SORD: variants seen among roughly 807,000 people sequenced by gnomAD.
The protein encoded by SORD is sorbitol dehydrogenase, also known as (R,R)-butanediol dehydrogenase.
In SORD, 18 loss-of-function variants were observed where a neutral mutation model predicts 35.6. That is an observed-to-expected ratio of 0.51 (90% confidence interval 0.35 to 0.75). The LOEUF (loss-of-function observed/expected upper bound fraction) is 0.75, where lower values mean the gene tolerates loss of function less well. Ranked by LOEUF, SORD falls within the 30% of genes least tolerant of loss-of-function variation. The pLI, the probability that SORD is intolerant of heterozygous loss-of-function variation, is 0.01. For synonymous variants in SORD, 106 were observed against 152.9 expected, an observed-to-expected ratio of 0.69 and a Z score of 2.26; for missense variants, 250 against 390.2, an observed-to-expected ratio of 0.64 and a Z score of 3.03.
intron 1 of SORD, among the ~76,000 whole-genome samples, chr15:45,025,425 G>A (rs1892653586): frequency 6.6e-6 from 1 of 152,056 alleles, no homozygotes; most frequent in Non-Finnish European, 1.5e-5. Flanking sequence ...ATCGCTTGAG[G>A]TCTGGAGTTT....
At chr15:45,026,831 C>A (rs1411293041) in intron 1 of SORD, among the ~76,000 whole-genome samples, 2 of 152,220 alleles carry the variant, frequency 1.3e-5, no homozygotes, top group Non-Finnish European at 2.9e-5. Context: ...AGGCCAGGAA[C>A]CAGCCAGCGT....
intron 3 of SORD, among the ~76,000 whole-genome samples, chr15:45,044,386 T>C (rs1220412742): frequency 6.6e-6 from 1 of 151,636 alleles, no homozygotes; most frequent in Non-Finnish European, 1.5e-5. Flanking sequence ...CTGAGGGATA[T>C]AGAAAAATGA....
chr15:45,051,056 T>C (rs1039233293), intron 3 of SORD, among the ~76,000 whole-genome samples: 3 of 152,344 alleles, frequency 2.0e-5, no homozygotes, highest in Admixed American at 6.5e-5. Context: ...GAAACCTGCA[T>C]TTGAGAGCAC....
chr15:45,037,491 T>C (rs1232409145), intron 1 of SORD, among the ~76,000 whole-genome samples: 1 of 152,152 alleles, frequency 6.6e-6, no homozygotes, highest in Non-Finnish European at 1.5e-5. Context: ...TGTCTTTCAG[T>C]GTCTGTGAAT....
At chr15:45,063,382 C>T (rs2141123119) in intron 4 of SORD, among the ~76,000 whole-genome samples, 1 of 152,040 alleles carries the variant, frequency 6.6e-6, no homozygotes, top group East Asian at 1.9e-4. Flanking sequence ...GTTTATAAAG[C>T]ATGAAAGGTT....
chr15:45,050,091 CT>C (rs1189702579), intron 3 of SORD, among the ~76,000 whole-genome samples: 6 of 151,454 alleles, frequency 4.0e-5, no homozygotes, highest in South Asian at 2.1e-4. Context: ...TAGGACTTTT[CT>C]TTTTTTTTGA....
intron 3 of SORD, among the ~76,000 whole-genome samples, chr15:45,057,323 G>C (rs1422701541): frequency 1.3e-5 from 2 of 151,426 alleles, no homozygotes; most frequent in East Asian, 3.9e-4. Flanking sequence ...ATTTTTTTTT[G>C]ATACATGCCT....
chr15:45,049,813 A>G (rs1893098942), intron 3 of SORD, among the ~76,000 whole-genome samples: 1 of 152,228 alleles, frequency 6.6e-6, no homozygotes, highest in South Asian at 2.1e-4. Context: ...TTAGTCTAAA[A>G]TGTAGGCTAA....
chr15:45,061,250 G>A, intron 4 of SORD, 24 bp downstream of exon 4: 1 of 1,612,242 alleles, frequency 6.2e-7, no homozygotes, highest in Non-Finnish European at 8.5e-7. Flanking sequence ...GTCCCACTGG[G>A]TCACCTGGGA....
Position 45,074,537 on chromosome 15 carries a change from TC to T in SORD, c.*1008del, listed in dbSNP as rs2141130431. The T allele has an allele frequency of 7.1e-6, 1 of 141,364 alleles. No individual in the cohort carries two copies. Among genetic ancestry groups the T allele is most frequent in the East Asian group, 2.0e-4 (1 of 5,116 alleles). The allele number at this position is 141,364 out of a possible 1,614,324, so 8.8% of individuals were successfully genotyped here. ...TCCTCTTCTCATTACCAGTAAAGGC[TC>T]TTGGTATCTTTCTGTTGGAATGATT... On this transcript the variant is annotated 3_prime_UTR_variant, in exon 9 of 9. Transcript: ENST00000267814.
chr15:45,052,431 T>G (rs1457977686), intron 3 of SORD, among the ~76,000 whole-genome samples: 1 of 152,122 alleles, frequency 6.6e-6, no homozygotes, highest in African/African-American at 2.4e-5. Context: ...AATAGAGGGA[T>G]GTAGGAGGGA....
chr15:45,071,460 C>T (rs1213434670), intron 7 of SORD, among the ~76,000 whole-genome samples: 1 of 152,096 alleles, frequency 6.6e-6, no homozygotes, highest in African/African-American at 2.4e-5. Context: ...AGGCTATGAT[C>T]GTGGTGTATC....
intron 1 of SORD, among the ~76,000 whole-genome samples, chr15:45,024,723 T>G (rs1465993488): frequency 6.6e-6 from 1 of 152,018 alleles, no homozygotes; most frequent in African/African-American, 2.4e-5. Context: ...TCCACAAACA[T>G]TCACTCATGA....
At chr15:45,068,107 A>G (rs573787846) in intron 5 of SORD, 74 bp from the exon 6 acceptor site, 289 of 1,137,176 alleles carry the variant, frequency 2.5e-4, no homozygotes, top group African/African-American at 1.1e-3. Flanking sequence ...TATGGTTCCT[A>G]TCCATGGCCT....
At chr15:45,025,875 T>G (rs945847215) in intron 1 of SORD, among the ~76,000 whole-genome samples, 3 of 152,220 alleles carry the variant, frequency 2.0e-5, no homozygotes, top group African/African-American at 7.2e-5. Context: ...CAGTTCATAG[T>G]GCTATCTTGC....
intron 3 of SORD, among the ~76,000 whole-genome samples, chr15:45,048,069 A>G (rs1260440340): frequency 6.6e-6 from 1 of 152,226 alleles, no homozygotes; most frequent in Admixed American, 6.5e-5. Flanking sequence ...GGGTATCTGC[A>G]TGAAGATGAA....
intron 2 of SORD, among the ~76,000 whole-genome samples, chr15:45,041,380 C>T (rs911421124): frequency 2.6e-5 from 4 of 152,004 alleles, no homozygotes; most frequent in Non-Finnish European, 4.4e-5. Context: ...CTCCCCCTCT[C>T]ACACCTAGAC....
Position 45,026,800 on chromosome 15 carries a change from G to A in SORD, c.66+3451G>A, listed in dbSNP as rs533334428. Among the ~76,000 whole-genome samples the A allele has an allele frequency of 2.0e-5, 3 of 152,208 alleles. No individual in the cohort carries two copies. In the East Asian group the frequency reaches 5.8e-4, roughly 29 times the overall value. ...AAGCAATGTCTCAACCTTTCCCACTGCTGCCATCCTACTTGAGATAAGGCC... is the reference window on the plus strand; with the variant it reads ...AAGCAATGTCTCAACCTTTCCCACTACTGCCATCCTACTTGAGATAAGGCC... On this transcript the variant is annotated intron_variant, in intron 1 of 8. Coordinates refer to ENST00000267814, the MANE Select transcript of SORD (RefSeq NM_003104.6).
chr15:45,029,655 T>A (rs1193198684), intron 1 of SORD, among the ~76,000 whole-genome samples: 1 of 152,282 alleles, frequency 6.6e-6, no homozygotes, highest in African/African-American at 2.4e-5. Flanking sequence ...AAAGGGCCAG[T>A]TTGACAGCCT....
Sources: allele counts gnomAD v4.1 joint callset (sites outside exome capture counted in the v4.1 genomes callset), GRCh38; gene constraint gnomAD v4.1.1; transcripts MANE v1.5; gene names NCBI Gene and HGNC (gene_info 2026-07-23, HGNC 2026-07-21).